The following CPNE8 variants were observed in gnomAD, a reference collection of about 807,000 sequenced individuals.
The protein encoded by CPNE8 is copine 8.
CPNE8 carries 45 observed loss-of-function variants against 81.5 expected under a neutral mutation model. The ratio of observed to expected loss-of-function variants is 0.55; its 90% CI spans 0.44 to 0.71. The LOEUF (loss-of-function observed/expected upper bound fraction) is 0.71, where lower values mean the gene tolerates loss of function less well. Ranked by LOEUF, CPNE8 falls within the 30% of genes least tolerant of loss-of-function variation. CPNE8 has a pLI of 0.00. For synonymous variants in CPNE8, 252 were observed against 226.3 expected (o/e 1.11, Z -1.02); for missense variants, 594 against 672.1 (o/e 0.88, Z 1.28).
intron 18 of CPNE8, 65 bp downstream of exon 18, chr12:38,675,652 C>T (rs1939270768): frequency 1.9e-6 from 2 of 1,044,564 alleles, no homozygotes; most frequent in Non-Finnish European, 3.0e-6. Context: ...TGGCAGAAAC[C>T]CAAGAGCATG....
chr12:38,849,206 A>G (rs959309080), intron 3 of CPNE8, among the ~76,000 whole-genome samples: 7 of 152,162 alleles, frequency 4.6e-5, no homozygotes, highest in African/African-American at 1.4e-4. Context: ...TACCATATCT[A>G]GATAGCTAAA....
intron 4 of CPNE8, among the ~76,000 whole-genome samples, chr12:38,840,193 A>T (rs1035748507): frequency 6.6e-6 from 1 of 152,120 alleles, no homozygotes; most frequent in Non-Finnish European, 1.5e-5. Context: ...TATTTTCTCA[A>T]TAATCAATTC....
At chr12:38,806,235 C>T (rs562819236) in intron 6 of CPNE8, among the ~76,000 whole-genome samples, 7 of 150,180 alleles carry the variant, frequency 4.7e-5, no homozygotes, top group African/African-American at 1.7e-4. Flanking sequence ...AAGAGGGAAT[C>T]CTCCCTAACT....
At chr12:38,701,094 G>A (rs1939931961) in intron 14 of CPNE8, among the ~76,000 whole-genome samples, 1 of 152,118 alleles carries the variant, frequency 6.6e-6, no homozygotes, top group Non-Finnish European at 1.5e-5. Flanking sequence ...CTTTGTTTGG[G>A]TGTGTAATTC....
At chr12:38,856,634 T>C (rs1278197563) in intron 3 of CPNE8, among the ~76,000 whole-genome samples, 1 of 152,188 alleles carries the variant, frequency 6.6e-6, no homozygotes, top group Non-Finnish European at 1.5e-5. Context: ...AATTTGACAG[T>C]AGTGCTTACA....
chr12:38,881,767 C>T (rs971205352), intron 1 of CPNE8, among the ~76,000 whole-genome samples: 2 of 152,076 alleles, frequency 1.3e-5, no homozygotes, highest in Non-Finnish European at 2.9e-5. Context: ...TCTGGTTAGC[C>T]TGAGATAAAT....
chr12:38,829,487 G>C, intron 5 of CPNE8, 32 bp from the exon 6 acceptor site: 2 of 1,451,898 alleles, frequency 1.4e-6, no homozygotes, highest in Non-Finnish European at 1.9e-6. Context: ...AAGCTCATAA[G>C]TTTCCAAACT....
At chr12:38,772,760 T>A (rs1254985285) in intron 7 of CPNE8, among the ~76,000 whole-genome samples, 1 of 152,172 alleles carries the variant, frequency 6.6e-6, no homozygotes, top group Non-Finnish European at 1.5e-5. Flanking sequence ...ATCCCACTTC[T>A]GGGTATATAT....
At chr12:38,696,513 T>C (rs141096115) in intron 14 of CPNE8, among the ~76,000 whole-genome samples, 1,621 of 152,268 alleles carry the variant, frequency 0.011, 33 homozygotes, top group African/African-American at 0.036. Flanking sequence ...GCCCAACTAA[T>C]AGCCATAATA....
intron 7 of CPNE8, among the ~76,000 whole-genome samples, chr12:38,769,161 T>C (rs1037486552): frequency 2.0e-4 from 31 of 152,320 alleles, no homozygotes; most frequent in Non-Finnish European, 4.4e-5. Flanking sequence ...AGGCAGTATC[T>C]ACCCTTGGAA....
intron 12 of CPNE8, among the ~76,000 whole-genome samples, chr12:38,724,485 G>A (rs1236401889): frequency 6.6e-6 from 1 of 152,066 alleles, no homozygotes; most frequent in Non-Finnish European, 1.5e-5. Context: ...TACTTATTAA[G>A]TATAGCCTAT....
chr12:38,766,469 A>G (rs1479064627), intron 8 of CPNE8, among the ~76,000 whole-genome samples: 2 of 152,172 alleles, frequency 1.3e-5, no homozygotes, highest in East Asian at 3.9e-4. Flanking sequence ...TTTACCATCA[A>G]AAAGAAGGGA....
intron 6 of CPNE8, among the ~76,000 whole-genome samples, chr12:38,827,518 G>A (rs1363635935): frequency 6.6e-6 from 1 of 152,180 alleles, no homozygotes; most frequent in Non-Finnish European, 1.5e-5. Context: ...AGACATTCAT[G>A]TTTATGTTCA....
intron 10 of CPNE8, among the ~76,000 whole-genome samples, chr12:38,731,407 A>C (rs1276965635): frequency 6.6e-6 from 1 of 151,920 alleles, no homozygotes; most frequent in Admixed American, 6.6e-5. Context: ...TAACCAATGA[A>C]AATACCAGTT....
At chr12:38,694,380 C>T (rs1029352110) in intron 14 of CPNE8, among the ~76,000 whole-genome samples, 6 of 152,298 alleles carry the variant, frequency 3.9e-5, no homozygotes, top group African/African-American at 1.2e-4. Context: ...TCACAACTTT[C>T]GAATGAGACA....
intron 19 of CPNE8, among the ~76,000 whole-genome samples, chr12:38,658,726 G>T (rs1209767444): frequency 6.6e-6 from 1 of 152,204 alleles, no homozygotes; most frequent in Non-Finnish European, 1.5e-5. Context: ...CAAGCCAGAA[G>T]AGAGTGGGGA....
chr12:38,808,226 C>A (rs186868534), intron 6 of CPNE8, among the ~76,000 whole-genome samples: 124 of 152,228 alleles, frequency 8.1e-4, no homozygotes, highest in Non-Finnish European at 1.6e-3. Flanking sequence ...CTAGAAATAT[C>A]ATTTGACCCA....
At chr12:38,668,782 G>A (rs1939111704) in intron 19 of CPNE8, among the ~76,000 whole-genome samples, 1 of 152,118 alleles carries the variant, frequency 6.6e-6, no homozygotes. Flanking sequence ...GGGCACGGTG[G>A]CTCATGCCTA....
chr12:38,768,027 A>C (rs2136869218), intron 7 of CPNE8, among the ~76,000 whole-genome samples: 1 of 152,204 alleles, frequency 6.6e-6, no homozygotes, highest in South Asian at 2.1e-4. Flanking sequence ...TCAATTTTAT[A>C]ATATAGGATC....
Sources: allele counts gnomAD v4.1 joint callset (sites outside exome capture counted in the v4.1 genomes callset), GRCh38; gene constraint gnomAD v4.1.1; transcripts MANE v1.5; gene names NCBI Gene and HGNC (gene_info 2026-07-23, HGNC 2026-07-21).